The following DNAJB14 variants were observed in gnomAD, a reference collection of about 807,000 sequenced individuals.
The protein encoded by DNAJB14 is dnaJ homolog subfamily B member 14.
A neutral mutation model predicts 48.4 loss-of-function variants in DNAJB14; 22 were observed. The observed-to-expected ratio is 0.45, with a 90% CI of 0.32 to 0.65. The LOEUF (loss-of-function observed/expected upper bound fraction) is 0.65. DNAJB14 is among the 30% of genes least tolerant of loss of function. The pLI, the probability that DNAJB14 is intolerant of heterozygous loss-of-function variation, is 0.03. For synonymous variants in DNAJB14, 142 were observed against 158.7 expected (o/e 0.89, Z 0.79); for missense variants, 319 against 458.8 (o/e 0.70, Z 2.78).
intron 3 of DNAJB14, among the ~76,000 whole-genome samples, chr4:99,912,929 A>AT (rs1212148832): frequency 2.0e-5 from 3 of 152,182 alleles, no homozygotes; most frequent in Non-Finnish European, 4.4e-5. Flanking sequence ...ACACCTAAGT[A>AT]TTTTTTTGTA....
rs1725454875 is a variant in DNAJB14 at position 99,906,052 on chromosome 4, T to C, written c.733-346A>G. 16 of 1,313,066 alleles carry C rather than the reference T, an allele frequency of 1.2e-5. No homozygotes were observed. The South Asian group carries it at 2.0e-4, about 16-fold the overall frequency. The allele number at this position is 1,313,066 out of a possible 1,614,324, so 81.3% of individuals were successfully genotyped here. A position where few individuals can be genotyped will look rare whatever the true frequency, so the allele number is the denominator to read the frequency against. ...CCATTTTTTACCTTGGATTTGAGGGTAGAAGATGGGAGCTGATGAGTGGCA... is the reference window on the plus strand; with the variant it reads ...CCATTTTTTACCTTGGATTTGAGGGCAGAAGATGGGAGCTGATGAGTGGCA... On this transcript the variant is annotated intron_variant, in intron 5 of 7. Transcript: ENST00000442697.
At chr4:99,924,811 A>C in intron 2 of DNAJB14, 1 of 1,580,712 alleles carries the variant, frequency 6.3e-7, no homozygotes, top group Non-Finnish European at 8.7e-7. Context: ...AATATCCATA[A>C]AGCTCTGAAA....
At chr4:99,923,635 C>T in intron 2 of DNAJB14, 26 of 984,790 alleles carry the variant, frequency 2.6e-5, no homozygotes, top group Non-Finnish European at 2.9e-5. Flanking sequence ...GTAGATCTAA[C>T]CAACTATCAA....
rs1725170760 is a variant in DNAJB14 at position 99,897,360 on chromosome 4, T to C, written c.*3668A>G. ...GGAATATACAAAAAATATGGTGCTA[T>C]AATCCTTAATATAAGGAGTATGTTT... On this transcript the variant is annotated 3_prime_UTR_variant, in exon 8 of 8. Transcript: ENST00000442697. 1 of 151,850 alleles carries C rather than the reference T, an allele frequency of 6.6e-6. No individual in the cohort carries two copies. Among genetic ancestry groups the C allele is most frequent in the South Asian group, 2.1e-4 (1 of 4,828 alleles). 9.4% of individuals were successfully genotyped at this position (151,850 alleles called of 1,614,324 possible).
At chr4:99,925,168 C>T (rs1367413915) in intron 2 of DNAJB14, 1 of 215,020 alleles carries the variant, frequency 4.7e-6, no homozygotes, top group African/African-American at 2.3e-5. Flanking sequence ...CACATCTTCC[C>T]ATGTACTTTA....
At chr4:99,921,226 G>T (rs546949674) in intron 3 of DNAJB14, among the ~76,000 whole-genome samples, 1 of 152,250 alleles carries the variant, frequency 6.6e-6, no homozygotes, top group South Asian at 2.1e-4. Context: ...TGATTTACAG[G>T]TAATCTCTTT....
At chr4:99,919,898 C>T (rs1725992794) in intron 3 of DNAJB14, among the ~76,000 whole-genome samples, 1 of 152,136 alleles carries the variant, frequency 6.6e-6, no homozygotes, top group Non-Finnish European at 1.5e-5. Flanking sequence ...ATCATGCTAA[C>T]TCTTGAGAAA....
chr4:99,930,475 T>C lies in DNAJB14; in HGVS notation c.280A>G (p.Lys94Glu). Reference sequence around the variant, plus strand: ...CTGAGAACTCCATCTACTTGGTCTTTGGTATAGCCTTTTCCACCTTCACCA... The same window carrying C: ...CTGAGAACTCCATCTACTTGGTCTTCGGTATAGCCTTTTCCACCTTCACCA... ...GSGEGGKGYTKDQVDGVLSIN... is the reference protein window; with the variant it reads ...GSGEGGKGYTEDQVDGVLSIN... Residue 94 changes from lysine to glutamate, a missense_variant, in exon 2 of 8, where the codon AAA (lysine) becomes GAA (glutamate). Lys to Glu is a moderately conservative substitution (Grantham distance 56). Coordinates refer to ENST00000442697, the MANE Select transcript of DNAJB14 (RefSeq NM_001031723.4). 1.3e-6 allele frequency: 2 copies of C among 1,599,860 alleles called. No individual in the cohort carries two copies. The highest frequency in any genetic ancestry group is 2.3e-5 in the South Asian group (2 of 87,884).
At chr4:99,916,665 T>A (rs938310503) in intron 3 of DNAJB14, among the ~76,000 whole-genome samples, 1 of 152,174 alleles carries the variant, frequency 6.6e-6, no homozygotes, top group African/African-American at 2.4e-5. Flanking sequence ...TCTGAGTATA[T>A]ATCTTTGTAT....
Position 99,933,179 on chromosome 4 carries a change from T to C in DNAJB14, c.134-2558A>G, listed in dbSNP as rs551268584. Among the ~76,000 whole-genome samples the C allele has an allele frequency of 6.0e-4, 92 of 152,148 alleles. 3 individuals are homozygous for C. Among genetic ancestry groups the C allele is most frequent in the Admixed American group, 3.0e-3 (46 of 15,274 alleles). On this transcript the variant is annotated intron_variant, in intron 1 of 7. Transcript: ENST00000442697. The stretch of plus-strand genomic sequence containing the variant: ...ATTATGTCTCAATAAAGCATGTATA[T>C]ATATATACACACACTCTCAATATTA...
intron 7 of DNAJB14, among the ~76,000 whole-genome samples, 174 bp from the exon 8 acceptor site, chr4:99,901,326 C>T (rs1287184117): frequency 6.6e-6 from 1 of 151,960 alleles, no homozygotes; most frequent in Non-Finnish European, 1.5e-5. Context: ...TTAATGAAAA[C>T]TTTATTTGAA....
chr4:99,943,654 T>TG (rs1323180471), intron 1 of DNAJB14, among the ~76,000 whole-genome samples: 1 of 152,204 alleles, frequency 6.6e-6, no homozygotes, highest in Non-Finnish European at 1.5e-5. Context: ...TTCTCTACCC[T>TG]GCTCAAAAAT....
intron 5 of DNAJB14, chr4:99,906,055 A>G: frequency 1.5e-6 from 2 of 1,314,024 alleles, no homozygotes; most frequent in Non-Finnish European, 2.0e-6. Flanking sequence ...TTGAGGGTAG[A>G]AGATGGGAGC....
In DNAJB14 at chr4:99,899,756, AG is replaced by A. The variant is rs753371397; in HGVS notation, c.*1271del. ...AAACACAGAAGACTAGAAATCAAAT[AG>A]TTTCATATCCAGTATACAGGCATCA... On this transcript the variant is annotated 3_prime_UTR_variant, in exon 8 of 8. Transcript: ENST00000442697. 1.3e-5 allele frequency: 2 copies of A among 152,054 alleles called. No individual in the cohort carries two copies. The highest frequency in any genetic ancestry group is 2.9e-5 in the Non-Finnish European group (2 of 67,818). 9.4% of individuals were successfully genotyped at this position (152,054 alleles called of 1,614,324 possible). A position where few individuals can be genotyped will look rare whatever the true frequency, so the allele number is the denominator to read the frequency against.
At chr4:99,938,097 CAAAAAAAAA>C (rs59597113) in intron 1 of DNAJB14, among the ~76,000 whole-genome samples, 20 of 40,976 alleles carry the variant, frequency 4.9e-4, no homozygotes, top group African/African-American at 1.3e-3. Context: ...GTTAAAAATA[CAAAAAAAAA>C]AAAAAAAAAA....
intron 3 of DNAJB14, among the ~76,000 whole-genome samples, chr4:99,916,360 A>T (rs1725855944): frequency 6.6e-6 from 1 of 152,022 alleles, no homozygotes; most frequent in Non-Finnish European, 1.5e-5. Context: ...TTGATCTTGA[A>T]CCCATGGGCT....
rs1370882342 is a variant in DNAJB14 at position 99,897,982 on chromosome 4, T to C, written c.*3046A>G. 2.0e-5 allele frequency: 3 copies of C among 152,014 alleles called. No individual in the cohort carries two copies. The highest frequency in any genetic ancestry group is 4.4e-5 in the Non-Finnish European group (3 of 67,862). The allele number at this position is 152,014 out of a possible 1,614,324, so 9.4% of individuals were successfully genotyped here. A position where few individuals can be genotyped will look rare whatever the true frequency, so the allele number is the denominator to read the frequency against. ...ACACAGGTGGGAGACTTTTTTTTAA[T>C]GAAATACATAGGAATCCATTAAGTA... On this transcript the variant is annotated 3_prime_UTR_variant, in exon 8 of 8. Transcript: ENST00000442697.
rs1249919907 is a variant in DNAJB14 at position 99,930,477 on chromosome 4, G to A, written c.278C>T (p.Thr93Ile). ...GAGAACTCCATCTACTTGGTCTTTG[G>A]TATAGCCTTTTCCACCTTCACCACT... ...SGSGEGGKGYTKDQVDGVLSI... is the reference protein window; with the variant it reads ...SGSGEGGKGYIKDQVDGVLSI... Residue 93 changes from threonine (T) to isoleucine (I), a missense_variant, in exon 2 of 8, where the codon ACC (threonine) becomes ATC (isoleucine). Coordinates refer to ENST00000442697, the MANE Select transcript of DNAJB14 (RefSeq NM_001031723.4). The A allele has an allele frequency of 1.5e-5, 24 of 1,603,644 alleles. No individual in the cohort carries two copies. Among genetic ancestry groups the A allele is most frequent in the Non-Finnish European group, 2.0e-5 (23 of 1,174,826 alleles).
Position 99,898,283 on chromosome 4 carries a change from T to G in DNAJB14, c.*2745A>C, listed in dbSNP as rs1013888048. 3 of 151,966 alleles carry G rather than the reference T, an allele frequency of 2.0e-5. No individual in the cohort carries two copies. The highest frequency in any genetic ancestry group is 7.2e-5 in the African/African-American group (3 of 41,442). The allele number at this position is 151,966 out of a possible 1,614,324, so 9.4% of individuals were successfully genotyped here. On this transcript the variant is annotated 3_prime_UTR_variant, in exon 8 of 8. Transcript: ENST00000442697. ...GACTGTACTTTTCTCTACCAAATCT[T>G]TGTAAATCATAAACAAGCATGTAAT...
Sources: allele counts gnomAD v4.1 joint callset (sites outside exome capture counted in the v4.1 genomes callset), GRCh38; gene constraint gnomAD v4.1.1; transcripts MANE v1.5; gene names NCBI Gene and HGNC (gene_info 2026-07-23, HGNC 2026-07-21).